Variants in TNKS observed in about 807,000 individuals in gnomAD.
TNKS encodes the protein tankyrase.
Under a neutral mutation model 135.8 loss-of-function variants are expected in TNKS, and 72 were observed. That is an observed-to-expected ratio of 0.53 (90% CI 0.44 to 0.64). TNKS has a LOEUF of 0.64. Among genes scored for constraint, TNKS ranks in the 30% least tolerant of loss-of-function variants. The pLI is 0.00. For missense variants in TNKS, 1,769 were observed against 1,674.0 expected (o/e 1.06, Z -0.99); for synonymous variants, 849 against 649.3 (o/e 1.31, Z -4.68).
intron 3 of TNKS, among the ~76,000 whole-genome samples, chr8:9,638,014 G>A (rs938784319): frequency 1.3e-5 from 2 of 152,182 alleles, no homozygotes; most frequent in South Asian, 2.1e-4. Flanking sequence ...TGTTGCCCAG[G>A]CTGGAGTGTA....
chr8:9,692,815 G>C (rs1232406741), intron 5 of TNKS, among the ~76,000 whole-genome samples: 1 of 152,134 alleles, frequency 6.6e-6, no homozygotes, highest in Non-Finnish European at 1.5e-5. Flanking sequence ...TAACTTCAAT[G>C]AGAGTGCCTG....
At chr8:9,662,150 C>A (rs1253145370) in intron 3 of TNKS, among the ~76,000 whole-genome samples, 1 of 152,166 alleles carries the variant, frequency 6.6e-6, no homozygotes, top group African/African-American at 2.4e-5. Flanking sequence ...GTTGGTGGGA[C>A]TGTAAACTAG....
At chr8:9,773,081 C>G (rs1047728628) in intron 26 of TNKS, among the ~76,000 whole-genome samples, 1 of 151,626 alleles carries the variant, frequency 6.6e-6, no homozygotes, top group Non-Finnish European at 1.5e-5. Context: ...TCATATTTTT[C>G]TGTTTAAATC....
At chr8:9,766,529 C>T in intron 25 of TNKS, 104 bp downstream of exon 25, 1 of 1,115,338 alleles carries the variant, frequency 9.0e-7, no homozygotes, top group South Asian at 2.4e-5. Flanking sequence ...TCTTGTCACC[C>T]AGGCTGGAGT....
intron 5 of TNKS, among the ~76,000 whole-genome samples, chr8:9,684,374 C>T (rs1477737843): frequency 6.6e-6 from 1 of 151,910 alleles, no homozygotes; most frequent in African/African-American, 2.4e-5. Context: ...CGTAAGGATA[C>T]CTTTTATAAT....
At chr8:9,683,207 A>G (rs1802856006) in intron 5 of TNKS, among the ~76,000 whole-genome samples, 2 of 151,998 alleles carry the variant, frequency 1.3e-5, no homozygotes, top group Non-Finnish European at 2.9e-5. Flanking sequence ...CTGGGTGCTA[A>G]TGGAGATTGG....
rs34023733 is a variant in TNKS, at chr8:9,593,862, A to ATATT, written c.898+13496_898+13499dup. Among the ~76,000 whole-genome samples the ATATT allele has an allele frequency of 6.1e-4, 92 of 151,330 alleles. 1 individual carries two copies. The South Asian group carries it at 0.013, about 22-fold the overall frequency. ...GCCTTTGGTACATTCTTATCCCTTG[A>ATATT]TATTTATTTATTTATTTATTATTAT... On this transcript the variant is annotated intron_variant, in intron 2 of 26. Transcript: ENST00000310430.
At position 9,706,104 on chromosome 8, in the gene TNKS, T is replaced by G. The variant is rs564430353; in HGVS notation, c.1203-83T>G. The G allele has an allele frequency of 5.5e-5, 47 of 852,150 alleles. No individual in the cohort carries two copies. In the African/African-American group the frequency reaches 8.0e-4, roughly 15 times the overall value. The allele number at this position is 852,150 out of a possible 1,614,324, so 52.8% of individuals were successfully genotyped here. On this transcript the variant is annotated intron_variant, in intron 6 of 26. Coordinates refer to ENST00000310430, the MANE Select transcript of TNKS (RefSeq NM_003747.3). ...TATTTTAAAATAATTGTATTGGGAT[T>G]TATTGGATTTTATTTCTTAGTACGA...
chr8:9,642,342 C>G (rs1192922482), intron 3 of TNKS, among the ~76,000 whole-genome samples: 1 of 146,330 alleles, frequency 6.8e-6, no homozygotes, highest in African/African-American at 2.5e-5. Context: ...TTATTGTATT[C>G]TCTTAAATAT....
chr8:9,621,950 G>A (rs12675893), intron 3 of TNKS, among the ~76,000 whole-genome samples: 108,234 of 152,070 alleles, frequency 0.71, 38,854 homozygotes, highest in Middle Eastern at 0.8. Flanking sequence ...GTTAAAAGGC[G>A]TTACTGCTGA....
intron 1 of TNKS, chr8:9,575,498 A>G: frequency 1.1e-5 from 10 of 896,684 alleles, no homozygotes; most frequent in Non-Finnish European, 1.3e-5. Flanking sequence ...AAGGAAAAAT[A>G]AAAATAAAAA....
chr8:9,575,319 T>G, intron 1 of TNKS: 3 of 843,084 alleles, frequency 3.6e-6, no homozygotes, highest in Non-Finnish European at 4.3e-6. Context: ...TTTCCTGACC[T>G]CGTGATCCGC....
chr8:9,771,397 GGAAA>G (rs1322717451), intron 26 of TNKS, among the ~76,000 whole-genome samples: 1 of 94,644 alleles, frequency 1.1e-5, no homozygotes, highest in African/African-American at 3.3e-5. Flanking sequence ...AGAAAGGGAG[GGAAA>G]GAAAGGGAGA....
chr8:9,701,931 G>A (rs1428724909), intron 5 of TNKS, among the ~76,000 whole-genome samples: 4 of 152,144 alleles, frequency 2.6e-5, no homozygotes, highest in African/African-American at 9.7e-5. Context: ...AGAACCACAC[G>A]GAAAGATGAG....
chr8:9,756,392 C>T (rs542112702), intron 20 of TNKS, among the ~76,000 whole-genome samples: 2 of 152,014 alleles, frequency 1.3e-5, no homozygotes, highest in South Asian at 2.1e-4. Flanking sequence ...GTGACCTTTG[C>T]TTTATGTGCA....
chr8:9,658,608 C>T (rs183259150), intron 3 of TNKS, among the ~76,000 whole-genome samples: 3,392 of 152,254 alleles, frequency 0.022, 76 homozygotes, highest in African/African-American at 0.063. Context: ...AAGGAACAAC[C>T]GGTAACAGCC....
At chr8:9,702,309 G>C (rs773790196) in intron 5 of TNKS, among the ~76,000 whole-genome samples, 2 of 149,948 alleles carry the variant, frequency 1.3e-5, no homozygotes, top group Non-Finnish European at 3.0e-5. Context: ...GCGTGTGCGT[G>C]CACACACACA....
intron 2 of TNKS, among the ~76,000 whole-genome samples, chr8:9,589,952 T>C (rs1798530976): frequency 6.6e-6 from 1 of 152,236 alleles, no homozygotes; most frequent in African/African-American, 2.4e-5. Context: ...TCTGTTCATG[T>C]GCATGCTCCA....
At position 9,619,403 on chromosome 8, in the gene TNKS, T is replaced by C. The variant is rs78049361; in HGVS notation, c.994+3726T>C. On this transcript the variant is annotated intron_variant, in intron 3 of 26. Transcript: ENST00000310430. ...AATCAAAGAAAGAGGTAAGAGCAGA[T>C]TGAGCCTGAGAGTTTGGAAAAGGAT... 1.9e-3 allele frequency among the ~76,000 whole-genome samples: 294 copies of C among 152,260 alleles called. 1 individual carries two copies. Among genetic ancestry groups the C allele is most frequent in the African/African-American group, 6.7e-3 (279 of 41,560 alleles).
Sources: gnomAD v4.1 joint callset for allele counts (sites outside exome capture counted in the v4.1 genomes callset) on GRCh38, gnomAD v4.1.1 for gene constraint, MANE v1.5 for transcripts, NCBI Gene and HGNC (gene_info 2026-07-23, HGNC 2026-07-21) for gene names.